Variants in FGF14 observed in about 807,000 individuals in gnomAD.
FGF14 encodes the protein fibroblast growth factor 14.
In FGF14, 5 loss-of-function variants were observed where a neutral mutation model predicts 25.5. That is an observed-to-expected ratio of 0.20 (90% confidence interval 0.10 to 0.41). FGF14 has a LOEUF of 0.41. FGF14 is among the 10% of genes least tolerant of loss of function. The pLI, the probability that FGF14 is intolerant of heterozygous loss-of-function variation, is 1.00. For synonymous variants in FGF14, 138 were observed against 118.3 expected (o/e 1.17, Z -1.08); for missense variants, 222 against 320.1 (o/e 0.69, Z 2.34).
intron 1 of FGF14, among the ~76,000 whole-genome samples, chr13:101,878,768 C>T (rs2045537226): frequency 6.6e-6 from 1 of 151,926 alleles, no homozygotes; most frequent in Non-Finnish European, 1.5e-5. Context: ...GAAACTTCAT[C>T]CTAAATGCAC....
chr13:101,906,536 G>C (rs1392998044), intron 1 of FGF14, among the ~76,000 whole-genome samples: 2 of 152,110 alleles, frequency 1.3e-5, no homozygotes, highest in Admixed American at 1.3e-4. Flanking sequence ...AAAGAGAATT[G>C]TTGGATTCTG....
chr13:102,156,564 A>G (rs1376599071), intron 1 of FGF14, among the ~76,000 whole-genome samples: 2 of 152,160 alleles, frequency 1.3e-5, no homozygotes, highest in African/African-American at 2.4e-5. Context: ...ATACTGAATG[A>G]ACAAAAACTG....
chr13:101,939,010 C>T (rs1376333882), intron 1 of FGF14, among the ~76,000 whole-genome samples: 1 of 152,180 alleles, frequency 6.6e-6, no homozygotes, highest in East Asian at 1.9e-4. Flanking sequence ...CATTGTACAT[C>T]ATGCAGCACA....
intron 1 of FGF14, among the ~76,000 whole-genome samples, chr13:102,212,759 T>C (rs1451232709): frequency 6.6e-6 from 1 of 152,192 alleles, no homozygotes; most frequent in Non-Finnish European, 1.5e-5. Flanking sequence ...TTTACAGATA[T>C]CCTGACATTA....
intron 1 of FGF14, among the ~76,000 whole-genome samples, chr13:102,346,111 C>A (rs1239148306): frequency 6.6e-6 from 1 of 152,028 alleles, no homozygotes; most frequent in African/African-American, 2.4e-5. Context: ...TTTAAATTAT[C>A]CCAAATCCTG....
intron 3 of FGF14, among the ~76,000 whole-genome samples, chr13:101,852,532 T>C (rs1455278240): frequency 6.6e-6 from 1 of 152,130 alleles, no homozygotes; most frequent in African/African-American, 2.4e-5. Context: ...TGGGGCTGTC[T>C]GCACAGTCAT....
intron 1 of FGF14, chr13:102,292,234 G>A (rs540326547): frequency 7.8e-6 from 1 of 128,916 alleles, no homozygotes; most frequent in African/African-American, 3.1e-5. Context: ...TTGAGAGGAT[G>A]TCTCATTTTA....
chr13:101,797,363 G>A (rs536587990), intron 3 of FGF14, among the ~76,000 whole-genome samples: 12 of 152,008 alleles, frequency 7.9e-5, no homozygotes, highest in Non-Finnish European at 1.2e-4. Context: ...AAAATGAAAT[G>A]ACCAATTAAT....
chr13:102,281,791 C>A (rs1472247137), intron 1 of FGF14, among the ~76,000 whole-genome samples: 1 of 151,746 alleles, frequency 6.6e-6, no homozygotes, highest in African/African-American at 2.4e-5. Flanking sequence ...CAGCTTCAAG[C>A]CTCTATTTCC....
chr13:102,067,119 G>C (rs7327343), intron 1 of FGF14, among the ~76,000 whole-genome samples: 1,709 of 152,170 alleles, frequency 0.011, 30 homozygotes, highest in African/African-American at 0.039. Context: ...ACATCCTCAT[G>C]AACAGTAGTT....
intron 3 of FGF14, among the ~76,000 whole-genome samples, chr13:101,803,719 A>AGGCTTCTG: frequency 1.3e-5 from 2 of 152,260 alleles, no homozygotes; most frequent in Middle Eastern, 6.8e-3. Flanking sequence ...CCTGGATGGC[A>AGGCTTCTG]CCTAGGCTTC....
At chr13:102,054,265 T>C (rs1175466169) in intron 1 of FGF14, among the ~76,000 whole-genome samples, 3 of 152,224 alleles carry the variant, frequency 2.0e-5, no homozygotes, top group Admixed American at 6.5e-5. Context: ...TGATGTGGCA[T>C]AATGTATCAC....
intron 1 of FGF14, among the ~76,000 whole-genome samples, chr13:101,916,207 C>G (rs563740595): frequency 6.6e-6 from 1 of 152,362 alleles, no homozygotes; most frequent in South Asian, 2.1e-4. Context: ...TGCAGGGACG[C>G]GGAGGGCAGG....
In FGF14 at chr13:101,870,971, A is replaced by ATACATACATAC. The variant is rs530929700; in HGVS notation, c.305-2144_305-2143insGTATGTATGTA. ...CATCTCAAAAATAAATAAATAAATA[A>ATACATACATAC]ATAAATACATACATACATACATACA... On this transcript the variant is annotated intron_variant, in intron 2 of 4. Coordinates refer to ENST00000376143, the MANE Select transcript of FGF14 (RefSeq NM_004115.4). Among the ~76,000 whole-genome samples, 841 of 141,750 alleles carry ATACATACATAC rather than the reference A, an allele frequency of 5.9e-3. 5 individuals carry two copies. The highest frequency in any genetic ancestry group is 0.014 in the Admixed American group (180 of 12,964). The allele number at this position is 141,750 out of a possible 152,430, so 93.0% of individuals were successfully genotyped here. A position where few individuals can be genotyped will look rare whatever the true frequency, so the allele number is the denominator to read the frequency against.
chr13:101,879,611 T>G (rs1221180691), intron 1 of FGF14, among the ~76,000 whole-genome samples: 1 of 152,140 alleles, frequency 6.6e-6, no homozygotes, highest in East Asian at 1.9e-4. Context: ...AATGGAAAAA[T>G]GTACACTATG....
At chr13:101,764,234 C>T (rs766730578) in intron 3 of FGF14, among the ~76,000 whole-genome samples, 10 of 152,148 alleles carry the variant, frequency 6.6e-5, no homozygotes, top group Non-Finnish European at 1.3e-4. Flanking sequence ...GGATAGTTTC[C>T]GCTGACCCTC....
chr13:101,885,025 A>T (rs2045920480), intron 1 of FGF14, among the ~76,000 whole-genome samples: 1 of 152,184 alleles, frequency 6.6e-6, no homozygotes, highest in Non-Finnish European at 1.5e-5. Context: ...AAAATTGTTA[A>T]AAGAAAACAG....
chr13:102,206,964 T>C (rs2049954064), intron 1 of FGF14, among the ~76,000 whole-genome samples: 1 of 152,004 alleles, frequency 6.6e-6, no homozygotes, highest in Admixed American at 6.6e-5. Flanking sequence ...AAAGCCTGTA[T>C]TGGATAAAAA....
At chr13:102,110,545 C>T (rs1224751519) in intron 1 of FGF14, among the ~76,000 whole-genome samples, 2 of 152,164 alleles carry the variant, frequency 1.3e-5, no homozygotes, top group African/African-American at 4.8e-5. Context: ...CGGCTGGGAT[C>T]ACAGCATTGA....
Sources: gnomAD v4.1 joint callset for allele counts (sites outside exome capture counted in the v4.1 genomes callset) on GRCh38, gnomAD v4.1.1 for gene constraint, MANE v1.5 for transcripts, NCBI Gene and HGNC (gene_info 2026-07-23, HGNC 2026-07-21) for gene names.